ZNF600: variants seen among roughly 807,000 people sequenced by gnomAD.
The protein encoded by ZNF600 is zinc finger protein 600.
Under a neutral mutation model 7.3 loss-of-function variants are expected in ZNF600, and 4 were observed. The ratio of observed to expected loss-of-function variants is 0.55; its 90% CI spans 0.27 to 1.25. The LOEUF is 1.25. Among genes scored for constraint, ZNF600 ranks in the 50% most tolerant of loss-of-function variants. ZNF600 has a pLI of 0.12. For synonymous variants in ZNF600, 290 were observed against 308.9 expected, an observed-to-expected ratio of 0.94 and a Z score of 0.64; for missense variants, 911 against 922.1, an observed-to-expected ratio of 0.99 and a Z score of 0.16.
exon 4 of ZNF600, chr19:52,766,632 C>T (rs762792866): frequency 1.2e-6 from 2 of 1,613,806 alleles, no homozygotes; most frequent in Non-Finnish European, 1.7e-6. Context: ...TCTATGATGG[C>T]ATACAAGGGA....
At chr19:52,794,100 T>G in the ZNF600 span, among the ~76,000 whole-genome samples, 1 of 151,782 alleles carries the variant, frequency 6.6e-6, no homozygotes, top group Non-Finnish European at 1.5e-5. Flanking sequence ...GACACAGGAT[T>G]GTAGAGCTCA....
At chr19:52,794,091 A>C in the ZNF600 span, among the ~76,000 whole-genome samples, 1 of 151,764 alleles carries the variant, frequency 6.6e-6, no homozygotes, top group Non-Finnish European at 1.5e-5. Flanking sequence ...AGACAACTGG[A>C]CACAGGATTG....
the ZNF600 span, chr19:52,800,292 G>T: frequency 1.9e-6 from 3 of 1,607,208 alleles, no homozygotes; most frequent in East Asian, 6.8e-5. Context: ...TTTCTCTCCA[G>T]TATGAACTCT....
the ZNF600 span, among the ~76,000 whole-genome samples, chr19:52,833,170 G>C: frequency 6.6e-6 from 1 of 152,156 alleles, no homozygotes; most frequent in Non-Finnish European, 1.5e-5. Flanking sequence ...CCAGATATCT[G>C]TGCACATTAA....
At chr19:52,787,627 G>A (rs141492389), upstream of ZNF600, among the ~76,000 whole-genome samples, 5,043 of 151,438 alleles carry the variant, frequency 0.033, 107 homozygotes, top group Middle Eastern at 0.066. Flanking sequence ...GGGAGGCTGA[G>A]GCGGGCAGAT....
chr19:52,772,077 A>G lies in ZNF600; in HGVS notation c.190+2498T>C, dbSNP rs537658651. On this transcript the variant is annotated intron_variant, in intron 3 of 3. Transcript: ENST00000648973. ...CTAATAGTATTCACTTGTTTTAAAA[A>G]GCAGGTGGACGAATCACCTGAGGTT... Among the ~76,000 whole-genome samples the G allele has an allele frequency of 4.6e-4, 70 of 152,340 alleles. 1 individual carries two copies. The highest frequency in any genetic ancestry group is 3.4e-3 in the Middle Eastern group (1 of 294).
the ZNF600 span, among the ~76,000 whole-genome samples, chr19:52,813,575 A>G: frequency 6.9e-6 from 1 of 145,092 alleles, no homozygotes; most frequent in Non-Finnish European, 1.5e-5. Flanking sequence ...CACCTTTCAC[A>G]GTCCCCTCCT....
At chr19:52,774,111 T>C (rs1206739417) in intron 3 of ZNF600, among the ~76,000 whole-genome samples, 2 of 151,992 alleles carry the variant, frequency 1.3e-5, no homozygotes, top group African/African-American at 4.8e-5. Context: ...ACACATACAA[T>C]GGAATATTAT....
At chr19:52,765,550 T>A (rs2062561900) in exon 4 of ZNF600, 2 of 1,613,250 alleles carry the variant, frequency 1.2e-6, no homozygotes, top group Admixed American at 3.3e-5. Context: ...TTTGCAATGG[T>A]TGTAGCGTTA....
At chr19:52,775,225 C>T (rs1600386940) in intron 2 of ZNF600, among the ~76,000 whole-genome samples, 2 of 151,684 alleles carry the variant, frequency 1.3e-5, no homozygotes, top group South Asian at 4.2e-4. Flanking sequence ...GGGCAACAGA[C>T]TGACACTCCA....
chr19:52,782,452 G>A (rs766374672), intron 1 of ZNF600, among the ~76,000 whole-genome samples: 2 of 151,936 alleles, frequency 1.3e-5, no homozygotes, highest in Non-Finnish European at 2.9e-5. Context: ...GAACCCCAGA[G>A]GCGAAGTTTG....
the ZNF600 span, among the ~76,000 whole-genome samples, chr19:52,804,783 A>G: frequency 6.6e-6 from 1 of 152,196 alleles, no homozygotes; most frequent in African/African-American, 2.4e-5. Context: ...GGGATTAGAA[A>G]AGTGAGACAT....
chr19:52,810,751 A>AG, the ZNF600 span: 87 of 625,144 alleles, frequency 1.4e-4, 1 homozygote, highest in African/African-American at 5.2e-4. Flanking sequence ...AGAGGAAAGA[A>AG]GGGGAAAAAA....
At chr19:52,764,599 G>T (rs911525575) in exon 4 of ZNF600, 1 of 148,700 alleles carries the variant, frequency 6.7e-6, no homozygotes, top group Admixed American at 6.8e-5. Context: ...CTCCCTGCAA[G>T]CTCCGTCTCC....
At chr19:52,822,114 C>T in the ZNF600 span, among the ~76,000 whole-genome samples, 9 of 102,892 alleles carry the variant, frequency 8.7e-5, no homozygotes, top group South Asian at 2.9e-4. Context: ...TCTCTGTCGC[C>T]CTGGCTGGAG....
the ZNF600 span, among the ~76,000 whole-genome samples, chr19:52,797,097 A>G: frequency 6.6e-6 from 1 of 152,254 alleles, no homozygotes. Flanking sequence ...AAGCAAATCA[A>G]TGTGATATAC....
At position 52,772,567 on chromosome 19, in the gene ZNF600, C is replaced by T. The variant is rs2062638855; in HGVS notation, c.190+2008G>A. The stretch of plus-strand genomic sequence containing the variant: ...GTGGTGAACTGAGATTGTGCCATTG[C>T]ACTTAAGCCTGGGCAACAGGAGCAA... On this transcript the variant is annotated intron_variant, in intron 3 of 3. Coordinates refer to ENST00000648973, the Ensembl canonical transcript of ZNF600. Among the ~76,000 whole-genome samples, 5 of 152,276 alleles carry T rather than the reference C, an allele frequency of 3.3e-5. No individual in the cohort carries two copies. In the South Asian group the frequency reaches 1.0e-3, roughly 32 times the overall value.
intron 2 of ZNF600, among the ~76,000 whole-genome samples, chr19:52,776,720 T>C (rs1270542419): frequency 6.6e-6 from 1 of 152,156 alleles, no homozygotes; most frequent in African/African-American, 2.4e-5. Flanking sequence ...ATAAAACTTA[T>C]TGCAAATGAA....
At chr19:52,773,238 T>C (rs1600383521) in intron 3 of ZNF600, among the ~76,000 whole-genome samples, 1 of 152,258 alleles carries the variant, frequency 6.6e-6, no homozygotes, top group African/African-American at 2.4e-5. Context: ...ATAGACCAAA[T>C]CTTGAGCTTG....
Sources: gnomAD v4.1 joint callset for allele counts (sites outside exome capture counted in the v4.1 genomes callset) on GRCh38, gnomAD v4.1.1 for gene constraint, MANE v1.5 for transcripts, NCBI Gene and HGNC (gene_info 2026-07-23, HGNC 2026-07-21) for gene names.